LONP2: variants seen among roughly 807,000 people sequenced by gnomAD.
LONP2 encodes lon protease homolog 2, peroxisomal.
A neutral mutation model predicts 85.6 loss-of-function variants in LONP2; 60 were observed. The observed-to-expected ratio is 0.70, with a 90% CI of 0.57 to 0.87. LONP2 has a LOEUF of 0.87. LONP2 is among the 40% of genes least tolerant of loss of function. LONP2 has a pLI of 0.00. For missense variants in LONP2, 860 were observed against 1,063.5 expected, an observed-to-expected ratio of 0.81 and a Z score of 2.66; for synonymous variants, 395 against 389.7, an observed-to-expected ratio of 1.01 and a Z score of -0.16.
chr16:48,330,281 C>A (rs779715200), intron 11 of LONP2, among the ~76,000 whole-genome samples: 3 of 152,210 alleles, frequency 2.0e-5, no homozygotes, highest in Non-Finnish European at 4.4e-5. Flanking sequence ...AAGAAGAAAA[C>A]TGCACAATTC....
At position 48,348,210 on chromosome 16, in the gene LONP2, G is replaced by A. The variant is rs190856727; in HGVS notation, c.2257G>A (p.Ala753Thr). 104 of 1,612,462 alleles carry A rather than the reference G, an allele frequency of 6.4e-5. No individual in the cohort carries two copies. The Admixed American group carries it at 1.3e-3, about 20-fold the overall frequency. The part of the protein sequence containing the change: ...SAGVTIVTCL[A>T]SLFSGRLVRS... ...TGGAGTTACCATAGTAACCTGTCTC[G>A]CCTCACTTTTTAGTGGGCGGCTGGT... The change falls in exon 14 of 15, where the codon GCC (alanine) becomes ACC (threonine). Residue 753 changes from alanine (A) to threonine (T), a missense_variant. Ala to Thr is a moderately conservative substitution (Grantham distance 58). Transcript: ENST00000285737.
chr16:48,332,573 A>G (rs1959490015), intron 11 of LONP2, among the ~76,000 whole-genome samples: 1 of 152,096 alleles, frequency 6.6e-6, no homozygotes, highest in Non-Finnish European at 1.5e-5. Context: ...TTAGCTGGGC[A>G]TGGTGGCACA....
chr16:48,346,487 CTCA>C (rs1959967622), intron 12 of LONP2, among the ~76,000 whole-genome samples: 1 of 152,166 alleles, frequency 6.6e-6, no homozygotes, highest in Non-Finnish European at 1.5e-5. Context: ...GTGGACCTCT[CTCA>C]TCCCATGGGA....
intron 11 of LONP2, among the ~76,000 whole-genome samples, chr16:48,305,912 G>A (rs1412429732): frequency 6.6e-6 from 1 of 152,066 alleles, no homozygotes; most frequent in Non-Finnish European, 1.5e-5. Flanking sequence ...AAGTAAAAAC[G>A]CATGCTCAGA....
At chr16:48,245,530 T>C (rs931847243) in intron 1 of LONP2, among the ~76,000 whole-genome samples, 6 of 152,174 alleles carry the variant, frequency 3.9e-5, no homozygotes, top group African/African-American at 1.2e-4. Flanking sequence ...CAAATTGAGA[T>C]GATAGAATTG....
At chr16:48,326,138 G>A (rs1959231182) in intron 11 of LONP2, among the ~76,000 whole-genome samples, 1 of 152,166 alleles carries the variant, frequency 6.6e-6, no homozygotes, top group African/African-American at 2.4e-5. Context: ...TGTGCTTCTT[G>A]AATTCCTGAT....
chr16:48,245,032 T>C (rs925040576), intron 1 of LONP2, among the ~76,000 whole-genome samples: 2 of 152,148 alleles, frequency 1.3e-5, no homozygotes, highest in African/African-American at 4.8e-5. Context: ...CCTTTACTCC[T>C]ATCCGCCTCC....
chr16:48,280,239 A>AT (rs922268632), intron 8 of LONP2, among the ~76,000 whole-genome samples: 5 of 152,034 alleles, frequency 3.3e-5, no homozygotes, highest in African/African-American at 1.2e-4. Context: ...ATATTGGGAC[A>AT]TTTTTTCAGG....
chr16:48,272,846 G>C (rs1046481318), intron 7 of LONP2, among the ~76,000 whole-genome samples: 1 of 152,198 alleles, frequency 6.6e-6, no homozygotes. Flanking sequence ...TTCAAACCCT[G>C]TTTGGAAGCA....
chr16:48,303,484 T>A (rs1374140724), intron 11 of LONP2, among the ~76,000 whole-genome samples, 179 bp downstream of exon 11: 1 of 152,212 alleles, frequency 6.6e-6, no homozygotes, highest in Non-Finnish European at 1.5e-5. Flanking sequence ...TCCAGAGGAT[T>A]GTCTTTTACA....
At chr16:48,317,401 T>C (rs1414729067) in intron 11 of LONP2, among the ~76,000 whole-genome samples, 1 of 152,200 alleles carries the variant, frequency 6.6e-6, no homozygotes, top group Non-Finnish European at 1.5e-5. Flanking sequence ...TACCATCTAC[T>C]CTGTCAATTC....
chr16:48,294,299 T>C (rs1972622842), intron 8 of LONP2, among the ~76,000 whole-genome samples: 1 of 152,216 alleles, frequency 6.6e-6, no homozygotes. Flanking sequence ...AATTCAATAC[T>C]GAACATAATT....
At chr16:48,347,239 G>A (rs1649250247) in intron 12 of LONP2, among the ~76,000 whole-genome samples, 1 of 152,190 alleles carries the variant, frequency 6.6e-6, no homozygotes, top group Non-Finnish European at 1.5e-5. Flanking sequence ...TGTGTAGCTA[G>A]ATCTGGCTCA....
intron 1 of LONP2, among the ~76,000 whole-genome samples, chr16:48,244,972 G>A (rs989101079): frequency 6.6e-6 from 1 of 151,976 alleles, no homozygotes; most frequent in African/African-American, 2.4e-5. Flanking sequence ...CTTTCTCCCC[G>A]GTGATCTCTG....
chr16:48,357,382 C>G (rs1425079127), downstream of LONP2: 1 of 152,164 alleles, frequency 6.6e-6, no homozygotes, highest in Non-Finnish European at 1.5e-5. Flanking sequence ...CAGTAAACTA[C>G]CAAATACTCC....
rs115086020 is a variant in LONP2, at chr16:48,252,236, C to A, written c.339C>A (p.Val113=). The change falls in exon 2 of 15, where the codon GTC becomes GTA. Residue 113 remains valine (V), a synonymous_variant. Transcript: ENST00000285737. ...TGLCRFQIVQ[V]LKEKPYPIAE... ...TATGCCGTTTCCAGATTGTACAGGT[C>A]TTAAAAGAGAAGCCATATCCCATTG... The A allele has an allele frequency of 6.2e-7, 1 of 1,614,174 alleles. No individual in the cohort carries two copies. Among genetic ancestry groups the A allele is most frequent in the Non-Finnish European group, 8.5e-7 (1 of 1,180,000 alleles).
intron 2 of LONP2, among the ~76,000 whole-genome samples, chr16:48,253,446 G>A (rs1043260131): frequency 1.3e-5 from 2 of 151,604 alleles, no homozygotes; most frequent in African/African-American, 2.4e-5. Context: ...TTCCAGCCTG[G>A]GCAACAGAGC....
In LONP2 at chr16:48,277,392, G is replaced by T; in HGVS notation, c.1296G>T (p.Val432=). Residue 432 remains valine (V), a synonymous_variant, in exon 8 of 15, where the codon GTG becomes GTT. Coordinates refer to ENST00000285737, the MANE Select transcript of LONP2 (RefSeq NM_031490.5). ...GCATCATCAACGGCTTGAAGACTGT[G>T]GGAGTGAACAACCCAGTGTTCCTAT... The part of the protein sequence containing the change: ...PGRIINGLKT[V]GVNNPVFLLD... 2.0e-5 allele frequency: 33 copies of T among 1,613,662 alleles called. No homozygotes were observed. Among genetic ancestry groups the T allele is most frequent in the Non-Finnish European group, 2.8e-5 (33 of 1,179,766 alleles).
downstream of LONP2, among the ~76,000 whole-genome samples, chr16:48,358,811 C>T (rs952982076): frequency 7.2e-5 from 11 of 152,178 alleles, no homozygotes; most frequent in Non-Finnish European, 1.6e-4. Flanking sequence ...AGAGGATGAG[C>T]ATATGTACAT....
Sources: allele counts gnomAD v4.1 joint callset (sites outside exome capture counted in the v4.1 genomes callset), GRCh38; gene constraint gnomAD v4.1.1; transcripts MANE v1.5; gene names NCBI Gene and HGNC (gene_info 2026-07-23, HGNC 2026-07-21).